The following KIF21B variants were observed in gnomAD, a reference collection of about 807,000 sequenced individuals.
KIF21B encodes the protein kinesin-like protein KIF21B.
KIF21B carries 85 observed loss-of-function variants against 192.9 expected under a neutral mutation model. The observed-to-expected ratio is 0.44, with a 90% CI of 0.37 to 0.53. The LOEUF (loss-of-function observed/expected upper bound fraction) is 0.53, where lower values mean the gene tolerates loss of function less well. Among genes scored for constraint, KIF21B ranks in the 20% least tolerant of loss-of-function variants. KIF21B has a pLI of 0.00. For synonymous variants in KIF21B, 832 were observed against 884.6 expected (o/e 0.94, Z 1.05); for missense variants, 1,716 against 2,194.8 (o/e 0.78, Z 4.36).
At position 200,974,833 on chromosome 1, in the gene KIF21B, A is replaced by G; in HGVS notation, c.4695T>C (p.Arg1565=). The part of the protein sequence containing the change: ...PGRPMLLSAC[R]AGVIKVWNVD... ...CGTTCCAGACCTTGATGACACCCGC[A>G]CGGCAGGCGCTGAGCAGCATGGGGC... is the stretch of plus-strand genomic sequence containing the variant. Residue 1565 remains arginine, a synonymous_variant, in exon 34 of 35, where the codon CGT becomes CGC. Transcript: ENST00000461742. 1 of 1,614,224 alleles carries G rather than the reference A, an allele frequency of 6.2e-7. No individual in the cohort carries two copies. The highest frequency in any genetic ancestry group is 8.5e-7 in the Non-Finnish European group (1 of 1,180,018).
chr1:200,987,622 T>G (rs1656395150), intron 24 of KIF21B, among the ~76,000 whole-genome samples: 1 of 152,198 alleles, frequency 6.6e-6, no homozygotes, highest in Non-Finnish European at 1.5e-5. Flanking sequence ...CAGACAGACA[T>G]CACCTGTGCT....
chr1:200,988,682 G>A (rs1656467220), intron 22 of KIF21B, 84 bp downstream of exon 22: 3 of 1,531,282 alleles, frequency 2.0e-6, no homozygotes, highest in Admixed American at 1.9e-5. Flanking sequence ...GTGGTTCTGG[G>A]GAAGTGAGGG....
chr1:201,014,290 C>T (rs1658384439), intron 1 of KIF21B, among the ~76,000 whole-genome samples: 1 of 152,252 alleles, frequency 6.6e-6, no homozygotes, highest in African/African-American at 2.4e-5. Context: ...GCTGACCCCA[C>T]CCCCTGCCCC....
intron 28 of KIF21B, 38 bp downstream of exon 28, chr1:200,983,018 G>C (rs1656045039): frequency 3.3e-6 from 5 of 1,526,510 alleles, no homozygotes; most frequent in Non-Finnish European, 4.4e-6. Context: ...CCGAGAGTGA[G>C]AGTGGGGAAC....
chr1:200,971,802 G>C lies in KIF21B; in HGVS notation c.*1719C>G, dbSNP rs1012372056. 6.6e-6 allele frequency: 1 copy of C among 152,586 alleles called. No individual in the cohort carries two copies. Among genetic ancestry groups the C allele is most frequent in the African/African-American group, 2.4e-5 (1 of 41,466 alleles). 9.5% of individuals were successfully genotyped at this position (152,586 alleles called of 1,614,324 possible). A position where few individuals can be genotyped will look rare whatever the true frequency, so the allele number is the denominator to read the frequency against. ...TCTGTGGCAGCTCCGAGGAGGGCAC[G>C]GGGAAGGGACCAGGCCTCACTCAGC... On this transcript the variant is annotated 3_prime_UTR_variant, in exon 35 of 35. Coordinates refer to ENST00000461742, the MANE Select transcript of KIF21B (RefSeq NM_001252102.2).
At chr1:200,995,854 T>G (rs1463415700) in intron 15 of KIF21B, among the ~76,000 whole-genome samples, 1 of 152,188 alleles carries the variant, frequency 6.6e-6, no homozygotes. Flanking sequence ...AGGCCTCATG[T>G]GCACTTTGCG....
intron 1 of KIF21B, among the ~76,000 whole-genome samples, chr1:201,015,104 A>T (rs1299123118): frequency 6.6e-6 from 1 of 152,190 alleles, no homozygotes; most frequent in Non-Finnish European, 1.5e-5. Flanking sequence ...TTTGCCCTTA[A>T]TTTACAAATG....
In KIF21B at chr1:200,988,398, A is replaced by G. The variant is rs749071782; in HGVS notation, c.3351-45T>C. 283 of 1,612,538 alleles carry G rather than the reference A, an allele frequency of 1.8e-4. 3 individuals are homozygous for G. The East Asian group carries it at 6.1e-3, about 35-fold the overall frequency. ...AGTTCAGGATCCTGAGGAGCCCCCA[A>G]ATTCAGGCTCAGCCCTGGGACCTAT... is the stretch of plus-strand genomic sequence containing the variant. On this transcript the variant is annotated intron_variant, in intron 23 of 34. Transcript: ENST00000461742.
rs1655256439 is a variant in KIF21B at position 200,972,278 on chromosome 1, AT to A, written c.*1242del. On this transcript the variant is annotated 3_prime_UTR_variant, in exon 35 of 35. Coordinates refer to ENST00000461742, the MANE Select transcript of KIF21B (RefSeq NM_001252102.2). ...CTCCATGCCAGTTTTAAGGCCGAAA[AT>A]GTGTCTCCTGAATAACCAGAGAGAG... 1.3e-5 allele frequency: 2 copies of A among 152,150 alleles called. No homozygotes were observed. The highest frequency in any genetic ancestry group is 1.5e-5 in the Non-Finnish European group (1 of 68,000). The allele number at this position is 152,150 out of a possible 1,614,324, so 9.4% of individuals were successfully genotyped here. A position where few individuals can be genotyped will look rare whatever the true frequency, so the allele number is the denominator to read the frequency against.
At position 201,002,331 on chromosome 1, in the gene KIF21B, T is replaced by C. The variant is rs772695028; in HGVS notation, c.1232A>G (p.Glu411Gly). The change falls in exon 9 of 35, where the codon GAG becomes GGG. Residue 411 changes from glutamate (E) to glycine (G), a missense_variant. Transcript: ENST00000461742. ...EYKAGKRVIG[E>G]DGAEGYSDLF... Reference sequence around the variant, plus strand: ...ATCACTATAGCCCTCAGCGCCATCCTCTCCTATCACTCGCTTGCCCTGGGA... The same window carrying C: ...ATCACTATAGCCCTCAGCGCCATCCCCTCCTATCACTCGCTTGCCCTGGGA... The C allele has an allele frequency of 8.7e-6, 14 of 1,613,454 alleles. No homozygotes were observed. In the Admixed American group the frequency reaches 2.3e-4, roughly 27 times the overall value.
chr1:201,018,177 G>C (rs1228766651), intron 1 of KIF21B, among the ~76,000 whole-genome samples: 1 of 152,222 alleles, frequency 6.6e-6, no homozygotes, highest in Admixed American at 6.5e-5. Flanking sequence ...CACACATGGG[G>C]TTCCGCCCTT....
At chr1:201,006,917 C>G (rs1176810568) in intron 3 of KIF21B, among the ~76,000 whole-genome samples, 14 of 145,310 alleles carry the variant, frequency 9.6e-5, no homozygotes, top group Middle Eastern at 3.8e-3. Context: ...GACAGACACA[C>G]ACAGACACAC....
chr1:200,990,516 G>A lies in KIF21B; in HGVS notation c.2835+60C>T. 1.9e-6 allele frequency: 3 copies of A among 1,581,818 alleles called. No homozygotes were observed. Among genetic ancestry groups the A allele is most frequent in the Non-Finnish European group, 8.6e-7 (1 of 1,158,292 alleles). On this transcript the variant is annotated intron_variant, in intron 19 of 34. Transcript: ENST00000461742. The surrounding 1 kb of genome is among the most constrained non-coding windows in gnomAD (Gnocchi z 5.4). ...AAAGGTCTGAAGAGCCAGAGAAGTT[G>A]GAGGTGTCAGAGGACAGGCAGAGGG...
rs915057092 is a variant in KIF21B at position 200,969,844 on chromosome 1, C to T, written c.*3677G>A. The T allele has an allele frequency of 1.2e-4, 19 of 152,490 alleles. No individual in the cohort carries two copies. The highest frequency in any genetic ancestry group is 1.1e-3 in the Admixed American group (17 of 15,292). The allele number at this position is 152,490 out of a possible 1,614,324, so 9.4% of individuals were successfully genotyped here. On this transcript the variant is annotated 3_prime_UTR_variant, in exon 35 of 35. Coordinates refer to ENST00000461742, the MANE Select transcript of KIF21B (RefSeq NM_001252102.2). The stretch of plus-strand genomic sequence containing the variant: ...TCCCTGCAAAATCTGTCCTTGCACA[C>T]AAGAGGGCAGGGAAGGATCTGGGAG...
Position 200,982,450 on chromosome 1 carries a change from G to A in KIF21B, c.3842+606C>T, listed in dbSNP as rs571318372. ...TCCTGAGTCTTGCTCCTCGTTGTGCGGTGTCATGCTCGGCTGGCTGGGAGA... is the reference window on the plus strand; with the variant it reads ...TCCTGAGTCTTGCTCCTCGTTGTGCAGTGTCATGCTCGGCTGGCTGGGAGA... On this transcript the variant is annotated intron_variant, in intron 28 of 34. Coordinates refer to ENST00000461742, the MANE Select transcript of KIF21B (RefSeq NM_001252102.2). The surrounding 1 kb of genome is among the most constrained non-coding windows in gnomAD (Gnocchi z 4.7). Among the ~76,000 whole-genome samples, 3 of 152,306 alleles carry A rather than the reference G, an allele frequency of 2.0e-5. No individual in the cohort carries two copies. The highest frequency in any genetic ancestry group is 6.5e-5 in the Admixed American group (1 of 15,300).
At chr1:201,003,928 G>A in intron 7 of KIF21B, 147 bp from the exon 8 acceptor site, 2 of 801,284 alleles carry the variant, frequency 2.5e-6, no homozygotes, top group Non-Finnish European at 4.1e-6. Flanking sequence ...AACCTGGGAT[G>A]TGGGGAGCTG....
Position 200,990,457 on chromosome 1 carries a change from G to A in KIF21B, c.2835+119C>T. On this transcript the variant is annotated intron_variant, in intron 19 of 34. Transcript: ENST00000461742. This position sits in a 1 kb window ranked among gnomAD's most constrained non-coding sequence, Gnocchi z 5.4. ...CCCCCCAGCACCTCTGGATTCCAGA[G>A]CAGGCAAAAGGAGCAGAGGGAAGTG... The A allele has an allele frequency of 6.8e-7, 1 of 1,480,270 alleles. No homozygotes were observed. Among genetic ancestry groups the A allele is most frequent in the Admixed American group, 1.8e-5 (1 of 54,494 alleles). 91.7% of individuals were successfully genotyped at this position (1,480,270 alleles called of 1,614,324 possible).
In KIF21B at chr1:200,991,135, C is replaced by T; in HGVS notation, c.2469G>A (p.Arg823=). 2 of 1,613,264 alleles carry T rather than the reference C, an allele frequency of 1.2e-6. No individual in the cohort carries two copies. The highest frequency in any genetic ancestry group is 1.7e-6 in the Non-Finnish European group (2 of 1,179,754). The part of the protein sequence containing the change: ...RRKTQEVSAL[R]RLAKPMSERV... Reference sequence around the variant, plus strand: ...GCTCAGACATGGGCTTGGCCAGGCGCCTCAGTGCAGAAACCTGGGGCAGCA... The same window carrying T: ...GCTCAGACATGGGCTTGGCCAGGCGTCTCAGTGCAGAAACCTGGGGCAGCA... Residue 823 remains arginine, a synonymous_variant, in exon 18 of 35, where the codon AGG becomes AGA. Transcript: ENST00000461742.
In KIF21B at chr1:200,975,478, TCC is replaced by T; in HGVS notation, c.4614+19_4614+20del. On this transcript the variant is annotated intron_variant, in intron 33 of 34. Transcript: ENST00000461742. This position sits in a 1 kb window ranked among gnomAD's most constrained non-coding sequence, Gnocchi z 4.3. ...AACCACCCTACCCGAGTCTACCCTCTCCCTTTCCTCCTGACCCCACCTGGATG... is the reference window on the plus strand; with the variant it reads ...AACCACCCTACCCGAGTCTACCCTCTCTTTCCTCCTGACCCCACCTGGATG... 1 of 1,599,130 alleles carries T rather than the reference TCC, an allele frequency of 6.3e-7. No homozygotes were observed. The highest frequency in any genetic ancestry group is 8.6e-7 in the Non-Finnish European group (1 of 1,168,992).
Sources: gnomAD v4.1 joint callset for allele counts (sites outside exome capture counted in the v4.1 genomes callset) on GRCh38, gnomAD v4.1.1 for gene constraint, Gnocchi (gnomAD v3.1) non-coding constraint, MANE v1.5 for transcripts, NCBI Gene and HGNC (gene_info 2026-07-23, HGNC 2026-07-21) for gene names.